The following CDKAL1 variants were observed in gnomAD, a reference collection of about 807,000 sequenced individuals.
CDKAL1 encodes threonylcarbamoyladenosine tRNA methylthiotransferase.
Under a neutral mutation model 68.2 loss-of-function variants are expected in CDKAL1, and 32 were observed. The ratio of observed to expected loss-of-function variants is 0.47; its 90% CI spans 0.35 to 0.63. The LOEUF is 0.63. CDKAL1 is among the 30% of genes least tolerant of loss of function. The probability of loss-of-function intolerance (pLI) is 0.00; values close to 1 mark genes in which losing one functional copy is unlikely to be tolerated. For missense variants in CDKAL1, 606 were observed against 696.7 expected, an observed-to-expected ratio of 0.87 and a Z score of 1.47; for synonymous variants, 234 against 244.3, an observed-to-expected ratio of 0.96 and a Z score of 0.39.
At chr6:21,195,453 G>A (rs1030004654) in intron 13 of CDKAL1, among the ~76,000 whole-genome samples, 21 of 151,676 alleles carry the variant, frequency 1.4e-4, no homozygotes, top group South Asian at 2.1e-4. Flanking sequence ...ATGAGCCATC[G>A]TGCCTGGCCT....
At chr6:20,671,408 T>A (rs1348922815) in intron 5 of CDKAL1, among the ~76,000 whole-genome samples, 1 of 152,212 alleles carries the variant, frequency 6.6e-6, no homozygotes, top group Non-Finnish European at 1.5e-5. Flanking sequence ...AGGCATATTC[T>A]CCCCTTTTGT....
chr6:21,168,034 T>C (rs188034161), intron 13 of CDKAL1, among the ~76,000 whole-genome samples: 105 of 152,308 alleles, frequency 6.9e-4, no homozygotes, highest in Admixed American at 2.0e-3. Flanking sequence ...ATGGTTAAGT[T>C]ATGTTCCAAG....
chr6:20,839,626 G>T (rs1778095124), intron 8 of CDKAL1, among the ~76,000 whole-genome samples: 1 of 152,058 alleles, frequency 6.6e-6, no homozygotes, highest in Admixed American at 6.6e-5. Flanking sequence ...ACCCTGTGTA[G>T]GGTCCCTTGT....
intron 5 of CDKAL1, among the ~76,000 whole-genome samples, chr6:20,656,424 C>G (rs990615338): frequency 6.7e-6 from 1 of 149,922 alleles, no homozygotes; most frequent in Non-Finnish European, 1.5e-5. Flanking sequence ...AGAAGAAGGA[C>G]GAATTAAACT....
chr6:20,835,263 G>A (rs1020994370), intron 8 of CDKAL1, among the ~76,000 whole-genome samples: 1 of 152,054 alleles, frequency 6.6e-6, no homozygotes, highest in Non-Finnish European at 1.5e-5. Context: ...TTTTAAATAT[G>A]TACAGTTTAT....
intron 11 of CDKAL1, among the ~76,000 whole-genome samples, chr6:21,035,958 G>A (rs946969632): frequency 6.6e-6 from 1 of 152,076 alleles, no homozygotes; most frequent in Admixed American, 6.6e-5. Context: ...AGATGGAAGC[G>A]CCACTCAATT....
intron 12 of CDKAL1, among the ~76,000 whole-genome samples, chr6:21,079,234 C>T (rs1443296652): frequency 1.3e-5 from 2 of 152,074 alleles, no homozygotes; most frequent in South Asian, 2.1e-4. Context: ...GAGTCAGGTA[C>T]TATAGGCAAG....
At chr6:21,150,749 G>C (rs1776377734) in intron 13 of CDKAL1, among the ~76,000 whole-genome samples, 1 of 152,194 alleles carries the variant, frequency 6.6e-6, no homozygotes, top group African/African-American at 2.4e-5. Context: ...GTCCTGACAG[G>C]CTTTCTATAT....
rs374362867 is a variant in CDKAL1, at chr6:21,113,010, T to C, written c.1299+4547T>C. Among the ~76,000 whole-genome samples the C allele has an allele frequency of 2.3e-4, 35 of 152,192 alleles. No individual in the cohort carries two copies. The South Asian group carries it at 6.9e-3, about 30-fold the overall frequency. On this transcript the variant is annotated intron_variant, in intron 13 of 15. Coordinates refer to ENST00000274695, the MANE Select transcript of CDKAL1 (RefSeq NM_017774.3). ...CAGGTAAAAGAGGGTAGTTATTGCT[T>C]CAAAAAGTCAGAGCTCTAGTAAGAA...
intron 9 of CDKAL1, among the ~76,000 whole-genome samples, chr6:20,947,747 C>G (rs373284074): frequency 6.6e-6 from 1 of 152,136 alleles, no homozygotes; most frequent in East Asian, 1.9e-4. Context: ...AATACAAAGC[C>G]TATTTTATAA....
At chr6:20,605,235 G>A (rs1766282526) in intron 4 of CDKAL1, among the ~76,000 whole-genome samples, 1 of 152,188 alleles carries the variant, frequency 6.6e-6, no homozygotes, top group Non-Finnish European at 1.5e-5. Context: ...CCAAAAAAGG[G>A]CAGGATGATT....
At chr6:20,882,950 A>C (rs935519740) in intron 9 of CDKAL1, among the ~76,000 whole-genome samples, 7 of 152,040 alleles carry the variant, frequency 4.6e-5, no homozygotes, top group Non-Finnish European at 7.4e-5. Context: ...TTTGATTTAC[A>C]TTTCATACTG....
intron 5 of CDKAL1, among the ~76,000 whole-genome samples, chr6:20,667,565 T>G (rs62397622): frequency 0.045 from 6,908 of 152,234 alleles, 180 homozygotes; most frequent in Middle Eastern, 0.071. Context: ...ACTTTATTAA[T>G]TCAGTTGTTC....
chr6:20,706,317 A>G (rs929973260), intron 5 of CDKAL1, among the ~76,000 whole-genome samples: 6 of 152,180 alleles, frequency 3.9e-5, no homozygotes, highest in Non-Finnish European at 7.3e-5. Flanking sequence ...GTGAAATAGA[A>G]GAAGGGGAAG....
At chr6:20,891,358 G>A (rs1761382418) in intron 9 of CDKAL1, among the ~76,000 whole-genome samples, 1 of 152,236 alleles carries the variant, frequency 6.6e-6, no homozygotes, top group African/African-American at 2.4e-5. Context: ...GTTAGCGGCA[G>A]GAAGGTGGGC....
At chr6:20,842,230 T>G (rs1350685421) in intron 8 of CDKAL1, among the ~76,000 whole-genome samples, 1 of 152,224 alleles carries the variant, frequency 6.6e-6, no homozygotes, top group Non-Finnish European at 1.5e-5. Context: ...TTATTCTTTC[T>G]TTTCTGATTT....
rs145625386 is a variant in CDKAL1 at position 21,010,880 on chromosome 6, G to A, written c.1055+10508G>A. Among the ~76,000 whole-genome samples the A allele has an allele frequency of 9.9e-5, 15 of 152,076 alleles. No homozygotes were observed. In the East Asian group the frequency reaches 2.5e-3, roughly 26 times the overall value. On this transcript the variant is annotated intron_variant, in intron 11 of 15. Coordinates refer to ENST00000274695, the MANE Select transcript of CDKAL1 (RefSeq NM_017774.3). ...GGGCAGATCATGAGGTCTGGAGATC[G>A]AGACCATCCTGGCTAACATGGTGAA... is the stretch of plus-strand genomic sequence containing the variant.
intron 4 of CDKAL1, among the ~76,000 whole-genome samples, chr6:20,581,037 C>T (rs1765124879): frequency 6.6e-6 from 1 of 152,286 alleles, no homozygotes; most frequent in African/African-American, 2.4e-5. Context: ...GATCCGCCCA[C>T]CTTGGCCTCC....
intron 5 of CDKAL1, among the ~76,000 whole-genome samples, chr6:20,652,465 C>T (rs1158435833): frequency 6.6e-6 from 1 of 152,102 alleles, no homozygotes; most frequent in Non-Finnish European, 1.5e-5. Context: ...CCTTTTTTCA[C>T]ATTTTCTCTG....
Sources: allele counts gnomAD v4.1 joint callset (sites outside exome capture counted in the v4.1 genomes callset), GRCh38; gene constraint gnomAD v4.1.1; transcripts MANE v1.5; gene names NCBI Gene and HGNC (gene_info 2026-07-23, HGNC 2026-07-21).